NACC2: variants seen among roughly 807,000 people sequenced by gnomAD.
NACC2 encodes the protein nucleus accumbens-associated protein 2.
Under a neutral mutation model 25.1 loss-of-function variants are expected in NACC2, and 8 were observed. The ratio of observed to expected loss-of-function variants is 0.32; its 90% CI spans 0.19 to 0.57. NACC2 has a LOEUF of 0.57. Among genes scored for constraint, NACC2 ranks in the 20% least tolerant of loss-of-function variants. The pLI is 0.89. For missense variants in NACC2, 644 were observed against 650.2 expected (o/e 0.99, Z 0.10); for synonymous variants, 435 against 294.7 (o/e 1.48, Z -4.88).
At chr9:136,081,324 A>C (rs1830321387) in intron 1 of NACC2, among the ~76,000 whole-genome samples, 1 of 152,054 alleles carries the variant, frequency 6.6e-6, no homozygotes, top group Admixed American at 6.6e-5. Flanking sequence ...CCTGCACACC[A>C]CACACCCCCA....
At chr9:136,036,406 A>G (rs1840554323) in intron 2 of NACC2, among the ~76,000 whole-genome samples, 3 of 152,222 alleles carry the variant, frequency 2.0e-5, no homozygotes, top group Non-Finnish European at 4.4e-5. Flanking sequence ...GGAGAAGAAA[A>G]ATCAGTAAAC....
chr9:136,087,836 T>C (rs970568453), intron 1 of NACC2, among the ~76,000 whole-genome samples: 2 of 152,166 alleles, frequency 1.3e-5, no homozygotes, highest in Admixed American at 1.3e-4. Flanking sequence ...AAGCGCCCTG[T>C]CCTCCCCGGT....
chr9:136,064,511 C>T (rs1841056714), intron 1 of NACC2, among the ~76,000 whole-genome samples: 1 of 152,146 alleles, frequency 6.6e-6, no homozygotes, highest in Admixed American at 6.5e-5. Context: ...GTGTAAAACT[C>T]ATACTTTGAA....
chr9:136,040,223 T>A (rs1840608068), intron 2 of NACC2, among the ~76,000 whole-genome samples: 1 of 151,954 alleles, frequency 6.6e-6, no homozygotes, highest in Non-Finnish European at 1.5e-5. Flanking sequence ...CGGGCACCTG[T>A]ATTCCCAGCT....
chr9:136,082,291 G>C (rs1374342233), intron 1 of NACC2, among the ~76,000 whole-genome samples: 3 of 152,230 alleles, frequency 2.0e-5, no homozygotes, highest in African/African-American at 7.2e-5. Flanking sequence ...GTCCCACACA[G>C]GCTTGGGAAG....
chr9:136,040,344 CA>C lies in NACC2; in HGVS notation c.886+9291del, dbSNP rs35210775. On this transcript the variant is annotated intron_variant, in intron 2 of 5. Coordinates refer to ENST00000277554, the MANE Select transcript of NACC2 (RefSeq NM_144653.5). The stretch of plus-strand genomic sequence containing the variant: ...TGGGCGACAGAGCAAGACTCCGTCT[CA>C]AAAAAAAAAAATCAACTTTATTCCT... 5.0e-4 allele frequency among the ~76,000 whole-genome samples: 68 copies of C among 136,232 alleles called. 2 individuals carry two copies. The Middle Eastern group carries it at 0.012, about 24-fold the overall frequency. 89.4% of individuals were successfully genotyped at this position (136,232 alleles called of 152,430 possible). A position where few individuals can be genotyped will look rare whatever the true frequency, so the allele number is the denominator to read the frequency against.
chr9:136,074,409 T>A (rs78149338), intron 1 of NACC2, among the ~76,000 whole-genome samples: 1 of 57,800 alleles, frequency 1.7e-5, no homozygotes, highest in East Asian at 5.9e-4. Flanking sequence ...GCCGAGGTTG[T>A]GCCACTGCAC....
rs2131131737 is a variant in NACC2, at chr9:136,013,187, C to T, written c.1255+12G>A. The T allele has an allele frequency of 6.2e-7, 1 of 1,603,614 alleles. No homozygotes were observed. ...CCGGCCCCACCCACCCGAGAGACCC[C>T]CAGGCTCTTACATTTCACAGCGTTC... On this transcript the variant is annotated intron_variant, in intron 5 of 5. Transcript: ENST00000277554. This position sits in a 1 kb window ranked among gnomAD's most constrained non-coding sequence, Gnocchi z 6.6.
intron 2 of NACC2, among the ~76,000 whole-genome samples, chr9:136,030,350 C>T (rs1840455759): frequency 6.6e-6 from 1 of 152,132 alleles, no homozygotes; most frequent in South Asian, 2.1e-4. Context: ...TGGCTCACGC[C>T]TGTAATCCCA....
chr9:136,040,287 G>A (rs1840608794), intron 2 of NACC2, among the ~76,000 whole-genome samples: 1 of 151,788 alleles, frequency 6.6e-6, no homozygotes, highest in South Asian at 2.1e-4. Context: ...AGAGGTTGCA[G>A]TGAGCCAAGA....
rs548208827 is a variant in NACC2, at chr9:136,063,750, G to A, written c.-59-13170C>T. Among the ~76,000 whole-genome samples, 5 of 152,150 alleles carry A rather than the reference G, an allele frequency of 3.3e-5. No homozygotes were observed. In the East Asian group the frequency reaches 9.7e-4, roughly 29 times the overall value. On this transcript the variant is annotated intron_variant, in intron 1 of 5. Transcript: ENST00000277554. ...ATAGAAAAATTAGCCAGGTGTGGTGGTGGGCGCCTATTATCCCAGCTACTC... is the reference window on the plus strand; with the variant it reads ...ATAGAAAAATTAGCCAGGTGTGGTGATGGGCGCCTATTATCCCAGCTACTC...
intron 2 of NACC2, among the ~76,000 whole-genome samples, chr9:136,041,717 T>A (rs994407886): frequency 7.4e-4 from 113 of 152,282 alleles, no homozygotes; most frequent in African/African-American, 2.6e-3. Context: ...AAAAAAACAC[T>A]GGATTATTAC....
In NACC2 at chr9:136,091,031, C is replaced by A. The variant is rs1048895023; in HGVS notation, c.-60+4158G>T. On this transcript the variant is annotated intron_variant, in intron 1 of 5. Transcript: ENST00000277554. Reference sequence around the variant, plus strand: ...CCCTCCTGGATGCCAGGGCCCCGCACTGGGGGAGGGGAGATTCCTTTAGAG... The same window carrying A: ...CCCTCCTGGATGCCAGGGCCCCGCAATGGGGGAGGGGAGATTCCTTTAGAG... Among the ~76,000 whole-genome samples the A allele has an allele frequency of 3.9e-5, 6 of 152,352 alleles. No individual in the cohort carries two copies. In the East Asian group the frequency reaches 9.7e-4, roughly 25 times the overall value.
intron 2 of NACC2, among the ~76,000 whole-genome samples, chr9:136,024,385 G>T (rs1840351913): frequency 6.8e-6 from 1 of 147,214 alleles, no homozygotes; most frequent in Admixed American, 6.8e-5. Context: ...TGTGTGTGAG[G>T]ACAGAGGGTG....
intron 2 of NACC2, among the ~76,000 whole-genome samples, chr9:136,017,370 C>G (rs1439637811): frequency 6.6e-6 from 1 of 152,154 alleles, no homozygotes; most frequent in African/African-American, 2.4e-5. Context: ...CTAGAGCGTT[C>G]ATGGAGGGCC....
At chr9:136,039,832 G>A (rs965227186) in intron 2 of NACC2, among the ~76,000 whole-genome samples, 7 of 152,220 alleles carry the variant, frequency 4.6e-5, no homozygotes, top group Middle Eastern at 3.4e-3. Context: ...TGTTCCCCCC[G>A]AGAGAGAGCA....
Position 136,068,808 on chromosome 9 carries a change from A to G in NACC2, c.-59-18228T>C, listed in dbSNP as rs1031552709. On this transcript the variant is annotated intron_variant, in intron 1 of 5. Transcript: ENST00000277554. ...GGAAGGCAGGAAAAAGAAACAAAAG[A>G]TAGAACAGAATCAAAAACTAAAATA... Among the ~76,000 whole-genome samples the G allele has an allele frequency of 3.3e-5, 5 of 151,844 alleles. 1 individual carries two copies. Among genetic ancestry groups the G allele is most frequent in the African/African-American group, 9.7e-5 (4 of 41,100 alleles).
intron 2 of NACC2, among the ~76,000 whole-genome samples, chr9:136,035,799 T>A (rs200424009): frequency 0.13 from 19,650 of 152,152 alleles, 1,781 homozygotes; most frequent in East Asian, 0.35. Flanking sequence ...AACCTCTACA[T>A]GTAAAAAGAA....
chr9:136,073,860 C>A (rs562556482), intron 1 of NACC2, among the ~76,000 whole-genome samples: 2 of 152,182 alleles, frequency 1.3e-5, no homozygotes, highest in African/African-American at 2.4e-5. Context: ...TAAAATGCTG[C>A]CTGGTCTTGG....
Sources: gnomAD v4.1 joint callset for allele counts (sites outside exome capture counted in the v4.1 genomes callset) on GRCh38, gnomAD v4.1.1 for gene constraint, Gnocchi (gnomAD v3.1) non-coding constraint, MANE v1.5 for transcripts, NCBI Gene and HGNC (gene_info 2026-07-23, HGNC 2026-07-21) for gene names.